The following OOSP4B variants were observed in gnomAD, a reference collection of about 807,000 sequenced individuals.
The protein encoded by OOSP4B is oocyte-secreted protein 4B.
At position 60,019,793 on chromosome 11, in the gene OOSP4B, T is replaced by C. The variant is rs2134622139; in HGVS notation, c.22+2380T>C. On this transcript the variant is annotated intron_variant, in intron 1 of 4. Coordinates refer to ENST00000642343, the Ensembl canonical transcript of OOSP4B. ...AGTTTGGAAGGAGACCCCCAACGGG[T>C]TGCCAGTGCTGGTTCAGGCAGCCTG... Among the ~76,000 whole-genome samples, 4 of 152,304 alleles carry C rather than the reference T, an allele frequency of 2.6e-5. No homozygotes were observed. The Middle Eastern group carries it at 0.014, about 518-fold the overall frequency.
At chr11:60,024,470 G>A (rs1428894151) in intron 2 of OOSP4B, among the ~76,000 whole-genome samples, 1 of 152,186 alleles carries the variant, frequency 6.6e-6, no homozygotes, top group African/African-American at 2.4e-5. Flanking sequence ...AACCTGGGAG[G>A]CAGAGGTTGT....
At chr11:60,020,549 C>T (rs143478631) in intron 1 of OOSP4B, among the ~76,000 whole-genome samples, 15 of 152,334 alleles carry the variant, frequency 9.8e-5, no homozygotes, top group Non-Finnish European at 1.9e-4. Context: ...CCAGAACTTG[C>T]GCTGGCCTGC....
intron 1 of OOSP4B, among the ~76,000 whole-genome samples, chr11:60,020,583 C>T (rs890179854): frequency 2.0e-5 from 3 of 152,298 alleles, no homozygotes; most frequent in Admixed American, 2.0e-4. Context: ...AGCCCCGGTT[C>T]CCGCCGGCGC....
At chr11:60,029,882 C>T (rs894090510) in exon 4 of OOSP4B, 25 of 398,278 alleles carry the variant, frequency 6.3e-5, no homozygotes, top group Non-Finnish European at 1.1e-4. Context: ...GTCACCAACT[C>T]CCACACAAAG....
chr11:60,017,331 A>T (rs1854638126), exon 1 of OOSP4B: 2 of 398,680 alleles, frequency 5.0e-6, no homozygotes, highest in East Asian at 7.1e-5. Context: ...ATAAGCACTC[A>T]AGGAACCCCC....
At chr11:60,027,092 A>G (rs1034575180) in intron 3 of OOSP4B, among the ~76,000 whole-genome samples, 1 of 152,186 alleles carries the variant, frequency 6.6e-6, no homozygotes, top group Non-Finnish European at 1.5e-5. Flanking sequence ...TGACCCTGCT[A>G]TCCAGGTACT....
At chr11:60,023,965 C>T (rs562589334) in exon 2 of OOSP4B, 3 of 398,424 alleles carry the variant, frequency 7.5e-6, no homozygotes, top group South Asian at 1.3e-4. Flanking sequence ...TTAGAATTGG[C>T]GACATACACC....
intron 3 of OOSP4B, among the ~76,000 whole-genome samples, chr11:60,026,530 A>G (rs1854747701): frequency 6.6e-6 from 1 of 152,178 alleles, no homozygotes; most frequent in Non-Finnish European, 1.5e-5. Context: ...CAACTTAGCA[A>G]TGCCATTTTC....
At chr11:60,027,131 C>G (rs777353234) in intron 3 of OOSP4B, among the ~76,000 whole-genome samples, 2 of 152,118 alleles carry the variant, frequency 1.3e-5, no homozygotes, top group Admixed American at 1.3e-4. Flanking sequence ...GTAATTTTCT[C>G]ATTTTCCCCA....
At chr11:60,027,761 G>A (rs1434428510) in intron 3 of OOSP4B, among the ~76,000 whole-genome samples, 1 of 150,172 alleles carries the variant, frequency 6.7e-6, no homozygotes, top group East Asian at 2.0e-4. Context: ...CCAATGTGGT[G>A]GAACTCTGTC....
chr11:60,030,793 A>G lies in OOSP4B; in HGVS notation c.451-9A>G, dbSNP rs911365696. The G allele has an allele frequency of 1.3e-5, 5 of 398,000 alleles. No individual in the cohort carries two copies. Among genetic ancestry groups the G allele is most frequent in the African/African-American group, 8.2e-5 (4 of 48,538 alleles). 24.7% of individuals were successfully genotyped at this position (398,000 alleles called of 1,614,324 possible). A position where few individuals can be genotyped will look rare whatever the true frequency, so the allele number is the denominator to read the frequency against. On this transcript the variant is annotated splice_polypyrimidine_tract_variant and intron_variant, in intron 4 of 4. Transcript: ENST00000642343. ...CAGCTCTTAACTGCTTTTCCCCCCT[A>G]TCCTACAGGAGCAACTATCCAAGAA...
intron 3 of OOSP4B, among the ~76,000 whole-genome samples, chr11:60,028,095 T>C (rs1343029587): frequency 6.6e-6 from 1 of 151,482 alleles, no homozygotes; most frequent in Non-Finnish European, 1.5e-5. Flanking sequence ...CTTTTTGCAG[T>C]TGATATTGTC....
At chr11:60,018,971 C>T (rs1386255782) in intron 1 of OOSP4B, among the ~76,000 whole-genome samples, 2 of 152,148 alleles carry the variant, frequency 1.3e-5, no homozygotes, top group African/African-American at 4.8e-5. Context: ...AATCTCAGCA[C>T]TATGGGAAGC....
chr11:60,017,740 T>G (rs1277068995), intron 1 of OOSP4B, among the ~76,000 whole-genome samples: 1 of 152,190 alleles, frequency 6.6e-6, no homozygotes, highest in Non-Finnish European at 1.5e-5. Context: ...AGACCCATGT[T>G]TCTAACATAA....
intron 1 of OOSP4B, among the ~76,000 whole-genome samples, chr11:60,022,714 C>A (rs2134624762): frequency 6.6e-6 from 1 of 151,916 alleles, no homozygotes; most frequent in East Asian, 1.9e-4. Flanking sequence ...CAAATACATG[C>A]CATATGGGGA....
At chr11:60,021,383 G>A (rs1375187574) in intron 1 of OOSP4B, 1 of 152,156 alleles carries the variant, frequency 6.6e-6, no homozygotes, top group African/African-American at 2.4e-5. Flanking sequence ...AATTCTCTGT[G>A]AATAGAGAAT....
intron 1 of OOSP4B, among the ~76,000 whole-genome samples, chr11:60,020,115 G>A (rs992358373): frequency 2.6e-5 from 4 of 152,202 alleles, no homozygotes; most frequent in South Asian, 2.1e-4. Flanking sequence ...ACAGAGTGCC[G>A]ATTGGTGTAT....
At chr11:60,022,514 A>G (rs1376631993) in intron 1 of OOSP4B, among the ~76,000 whole-genome samples, 1 of 152,210 alleles carries the variant, frequency 6.6e-6, no homozygotes, top group Non-Finnish European at 1.5e-5. Flanking sequence ...TAGCTGTCCC[A>G]AAAAGCATGT....
At chr11:60,018,514 C>T (rs2134620822) in intron 1 of OOSP4B, among the ~76,000 whole-genome samples, 1 of 152,306 alleles carries the variant, frequency 6.6e-6, no homozygotes, top group South Asian at 2.1e-4. Flanking sequence ...CTTTAAGGCA[C>T]ATATTTGTGA....
Sources: gnomAD v4.1 joint callset for allele counts (sites outside exome capture counted in the v4.1 genomes callset) on GRCh38, gnomAD v4.1.1 for gene constraint, MANE v1.5 for transcripts, NCBI Gene and HGNC (gene_info 2026-07-23, HGNC 2026-07-21) for gene names.